The following CALR3 variants were observed in gnomAD, a reference collection of about 807,000 sequenced individuals.
The protein encoded by CALR3 is calreticulin-3.
Under a neutral mutation model 48.7 loss-of-function variants are expected in CALR3, and 39 were observed. That is an observed-to-expected ratio of 0.80 (90% confidence interval 0.62 to 1.05). The LOEUF is 1.05. Among genes scored for constraint, CALR3 ranks in the 50% least tolerant of loss-of-function variants. The probability of loss-of-function intolerance (pLI) is 0.00; values close to 1 mark genes in which losing one functional copy is unlikely to be tolerated. For missense variants in CALR3, 449 were observed against 474.7 expected, an observed-to-expected ratio of 0.95 and a Z score of 0.50; for synonymous variants, 185 against 172.7, an observed-to-expected ratio of 1.07 and a Z score of -0.56.
chr19:16,485,904 T>A (rs912301284), intron 3 of CALR3, among the ~76,000 whole-genome samples: 6 of 152,080 alleles, frequency 3.9e-5, no homozygotes, highest in Admixed American at 1.3e-4. Flanking sequence ...GTGATTTGCC[T>A]GCCTTGGCCT....
intron 3 of CALR3, among the ~76,000 whole-genome samples, chr19:16,487,973 C>T (rs1219073839): frequency 6.6e-6 from 1 of 152,088 alleles, no homozygotes; most frequent in Non-Finnish European, 1.5e-5. Flanking sequence ...ACCACCACAC[C>T]TGGCTAATTT....
rs766997986 is a variant in CALR3 at position 16,490,350 on chromosome 19, G to A, written c.397+17C>T. 6.2e-7 allele frequency: 1 copy of A among 1,611,628 alleles called. No individual in the cohort carries two copies. The highest frequency in any genetic ancestry group is 1.7e-5 in the Admixed American group (1 of 59,972). On this transcript the variant is annotated intron_variant, in intron 3 of 8. Coordinates refer to ENST00000269881, the MANE Select transcript of CALR3 (RefSeq NM_145046.5). ...CAAAGTCACTAGAAGTGGTTGTGTT[G>A]CACCACGTAAACTCACCAAACATAA...
chr19:16,494,489 G>A (rs1599722811), intron 2 of CALR3, among the ~76,000 whole-genome samples: 3 of 152,184 alleles, frequency 2.0e-5, no homozygotes, highest in Admixed American at 2.0e-4. Context: ...AGCCTCCCGA[G>A]TAGCTGGGAC....
intron 2 of CALR3, among the ~76,000 whole-genome samples, chr19:16,494,803 A>G (rs2093403595): frequency 6.6e-6 from 1 of 152,216 alleles, no homozygotes; most frequent in Admixed American, 6.6e-5. Context: ...TACTAATAAC[A>G]CATTCATATA....
chr19:16,482,765 C>T lies in CALR3; in HGVS notation c.699G>A (p.Leu233=). The T allele has an allele frequency of 1.2e-6, 2 of 1,613,340 alleles. No homozygotes were observed. The highest frequency in any genetic ancestry group is 2.7e-5 in the African/African-American group (2 of 75,036). ...CGCTCTGCTTGCTGGTGCTGGCGTC[C>T]AGAAAATGCTTCTCCCAGTCCTTCA... ...NKAQDWEKHF[L]DASTSKQSDW... Residue 233 remains leucine, a synonymous_variant, in exon 6 of 9, where the codon CTG becomes CTA. Transcript: ENST00000269881.
chr19:16,482,286 G>C (rs1037405802), intron 7 of CALR3, among the ~76,000 whole-genome samples, 164 bp downstream of exon 7: 1 of 152,154 alleles, frequency 6.6e-6, no homozygotes, highest in South Asian at 2.1e-4. Flanking sequence ...GGAGGCTGAG[G>C]TGGGAGGATC....
At chr19:16,481,737 A>C (rs1470273254) in intron 7 of CALR3, among the ~76,000 whole-genome samples, 1 of 151,742 alleles carries the variant, frequency 6.6e-6, no homozygotes, top group Non-Finnish European at 1.5e-5. Context: ...GAGCTCAGGC[A>C]ATCTGCCCCC....
At chr19:16,495,150 C>T (rs1012788701) in intron 2 of CALR3, among the ~76,000 whole-genome samples, 3 of 150,492 alleles carry the variant, frequency 2.0e-5, no homozygotes, top group South Asian at 2.1e-4. Flanking sequence ...CACTTGAACC[C>T]GGGAGACGGA....
At chr19:16,485,342 T>C (rs1027848537) in intron 3 of CALR3, 85 bp from the exon 4 acceptor site, 43 of 895,548 alleles carry the variant, frequency 4.8e-5, no homozygotes, top group Non-Finnish European at 7.6e-5. Context: ...TTTTTTTTTT[T>C]TTGAGACGGA....
At chr19:16,479,898 A>G (rs2093377795) in intron 8 of CALR3, among the ~76,000 whole-genome samples, 2 of 152,054 alleles carry the variant, frequency 1.3e-5, no homozygotes, top group African/African-American at 4.8e-5. Context: ...CTGAATAAGA[A>G]GAACCTGTAA....
At chr19:16,482,606 T>G (rs775358067) in intron 6 of CALR3, 25 bp from the exon 7 acceptor site, 22 of 1,613,524 alleles carry the variant, frequency 1.4e-5, no homozygotes, top group African/African-American at 1.2e-4. Context: ...CCATATGGGG[T>G]GGTCTCAATG....
chr19:16,495,834 C>T lies in CALR3; in HGVS notation c.110G>A (p.Trp37Ter), dbSNP rs749228587. The change falls in exon 2 of 9, where the codon TGG (tryptophan) becomes TAG (stop). Residue 37 changes from tryptophan to a stop codon, truncating the protein, a stop_gained. Coordinates refer to ENST00000269881, the MANE Select transcript of CALR3 (RefSeq NM_145046.5). LOFTEE classifies it high-confidence loss of function. ...FLDGEHWRNR[W>*]LQSTNDSRFG... ...TCGGGAGTCATTGGTGGACTGCAAC[C>T]ATCGGTTTCTCCAATGCTCTGTGGG... 1.2e-6 allele frequency: 2 copies of T among 1,614,084 alleles called. No individual in the cohort carries two copies. Among genetic ancestry groups the T allele is most frequent in the Non-Finnish European group, 1.7e-6 (2 of 1,179,986 alleles).
chr19:16,489,741 G>A (rs1195441012), intron 3 of CALR3, among the ~76,000 whole-genome samples: 2 of 152,010 alleles, frequency 1.3e-5, no homozygotes, highest in African/African-American at 2.4e-5. Flanking sequence ...CCCAGGAGGC[G>A]GAGATTGCAG....
chr19:16,480,032 G>A (rs546611177), intron 8 of CALR3, among the ~76,000 whole-genome samples: 16 of 149,524 alleles, frequency 1.1e-4, no homozygotes, highest in East Asian at 8.1e-4. Context: ...GTGAAACCCC[G>A]TCTCTACTAA....
intron 3 of CALR3, among the ~76,000 whole-genome samples, chr19:16,486,338 TG>T (rs199634759): frequency 0.047 from 6,623 of 141,824 alleles, 209 homozygotes; most frequent in Middle Eastern, 0.072. Flanking sequence ...AAAAAAAGTG[TG>T]GGCTGGGCAT....
chr19:16,480,563 T>A (rs1032650909), intron 8 of CALR3, 51 bp downstream of exon 8: 51 of 1,334,936 alleles, frequency 3.8e-5, no homozygotes, highest in Middle Eastern at 1.8e-4. Flanking sequence ...AAAAAAAAAA[T>A]TTACACAAAT....
At chr19:16,482,610 C>A (rs762935496) in intron 6 of CALR3, 29 bp from the exon 7 acceptor site, 3 of 1,613,954 alleles carry the variant, frequency 1.9e-6, no homozygotes, top group Non-Finnish European at 2.5e-6. Context: ...ATGGGGTGGT[C>A]TCAATGACAT....
Position 16,479,717 on chromosome 19 carries a change from C to T in CALR3, c.1012-443G>A, listed in dbSNP as rs367655053. Among the ~76,000 whole-genome samples, 12 of 151,736 alleles carry T rather than the reference C, an allele frequency of 7.9e-5. No homozygotes were observed. In the East Asian group the frequency reaches 2.1e-3, roughly 27 times the overall value. On this transcript the variant is annotated intron_variant, in intron 8 of 8. Transcript: ENST00000269881. Reference sequence around the variant, plus strand: ...GAGGTTGCAGTGAGTCGAGATGGCACCACTGCACTCCAGCCTGGGTGACAG... The same window carrying T: ...GAGGTTGCAGTGAGTCGAGATGGCATCACTGCACTCCAGCCTGGGTGACAG...
chr19:16,484,483 C>A (rs371693095), intron 4 of CALR3, among the ~76,000 whole-genome samples: 1 of 151,728 alleles, frequency 6.6e-6, no homozygotes, highest in South Asian at 2.1e-4. Flanking sequence ...GGCCAACTCT[C>A]GATGTTTTAA....
Sources: allele counts gnomAD v4.1 joint callset (sites outside exome capture counted in the v4.1 genomes callset), GRCh38; gene constraint gnomAD v4.1.1; transcripts MANE v1.5; gene names NCBI Gene and HGNC (gene_info 2026-07-23, HGNC 2026-07-21).